SEC31A: variants seen among roughly 807,000 people sequenced by gnomAD.
SEC31A encodes the protein protein transport protein Sec31A.
In SEC31A, 70 loss-of-function variants were observed where a neutral mutation model predicts 151.0. The observed-to-expected ratio is 0.46, with a 90% CI of 0.38 to 0.57. The LOEUF (loss-of-function observed/expected upper bound fraction) is 0.57. SEC31A is among the 20% of genes least tolerant of loss of function. The pLI, the probability that SEC31A is intolerant of heterozygous loss-of-function variation, is 0.00. For missense variants in SEC31A, 1,330 were observed against 1,471.2 expected, an observed-to-expected ratio of 0.90 and a Z score of 1.57; for synonymous variants, 475 against 505.9, an observed-to-expected ratio of 0.94 and a Z score of 0.82.
intron 22 of SEC31A, among the ~76,000 whole-genome samples, chr4:82,835,219 T>C (rs1726923814): frequency 6.6e-6 from 1 of 152,062 alleles, no homozygotes; most frequent in Non-Finnish European, 1.5e-5. Context: ...CGACAGGACA[T>C]AAAACAAGCT....
chr4:82,842,292 G>A lies in SEC31A; in HGVS notation c.2816C>T (p.Pro939Leu). 6.2e-7 allele frequency: 1 copy of A among 1,613,802 alleles called. No individual in the cohort carries two copies. The highest frequency in any genetic ancestry group is 2.2e-5 in the East Asian group (1 of 44,834). The part of the protein sequence containing the change: ...QHQASSPTSS[P>L]ATSFPPPPSS... ...AGGGGGAGGAGGGAAAGAAGTAGCA[G>A]GGCTGGAGGTAGGTGAAGAGGCCTG... Residue 939 changes from proline to leucine, a missense_variant, in exon 22 of 27, where the codon CCT becomes CTT. Coordinates refer to ENST00000395310, the MANE Select transcript of SEC31A (RefSeq NM_001077207.4).
chr4:82,881,710 G>A (rs891900014), intron 2 of SEC31A, 148 bp downstream of exon 2: 4 of 631,074 alleles, frequency 6.3e-6, no homozygotes, highest in African/African-American at 3.6e-5. Flanking sequence ...GAACACAGAG[G>A]AAGAACACTA....
At chr4:82,830,146 C>T (rs1725589533) in intron 22 of SEC31A, among the ~76,000 whole-genome samples, 1 of 152,140 alleles carries the variant, frequency 6.6e-6, no homozygotes, top group African/African-American at 2.4e-5. Context: ...AACTAACCAC[C>T]AGCGCTTACT....
chr4:82,888,372 AAC>A (rs1553938372), intron 1 of SEC31A, among the ~76,000 whole-genome samples: 761 of 42,886 alleles, frequency 0.018, 102 homozygotes, highest in Non-Finnish European at 0.023. Flanking sequence ...AAAAAAAAAA[AAC>A]ACACAAAAAA....
At position 82,828,673 on chromosome 4, in the gene SEC31A, CAAAAAAAAAAAA is replaced by C. The variant is rs397994259; in HGVS notation, c.3027+315_3027+326del. 6.8e-5 allele frequency among the ~76,000 whole-genome samples: 3 copies of C among 44,116 alleles called. No individual in the cohort carries two copies. In the Admixed American group the frequency reaches 1.1e-3, roughly 16 times the overall value. 28.9% of individuals were successfully genotyped at this position (44,116 alleles called of 152,430 possible). A position where few individuals can be genotyped will look rare whatever the true frequency, so the allele number is the denominator to read the frequency against. ...GTAGAACCCAAAGACCAAAGTAACT[CAAAAAAAAAAAA>C]AAAAAAAAAAAAGAAAGCAACCCTG... On this transcript the variant is annotated intron_variant, in intron 23 of 26. Coordinates refer to ENST00000395310, the MANE Select transcript of SEC31A (RefSeq NM_001077207.4).
rs774407792 is a variant in SEC31A, at chr4:82,872,016, C to T, written c.710G>A (p.Arg237Gln). 1.3e-5 allele frequency: 21 copies of T among 1,614,060 alleles called. No individual in the cohort carries two copies. Among genetic ancestry groups the T allele is most frequent in the Non-Finnish European group, 1.8e-5 (21 of 1,179,962 alleles). The change falls in exon 7 of 27, where the codon CGG becomes CAG. Residue 237 changes from arginine to glutamine, a missense_variant. Physicochemically the swap from Arg to Gln is conservative, Grantham distance 43. Transcript: ENST00000395310. ...TQMVLASEDDRLPVIQMWDLR... is the reference protein window; with the variant it reads ...TQMVLASEDDQLPVIQMWDLR... The stretch of plus-strand genomic sequence containing the variant: ...ATCCCACATCTGGATCACTGGTAAC[C>T]GGTCATCCTCGGAGGCAAGGACCAT...
upstream of SEC31A, chr4:82,893,051 AT>A (rs1719909861): frequency 6.6e-6 from 1 of 152,230 alleles, no homozygotes. Context: ...TCAAATTAGG[AT>A]TTGCATAGCA....
At chr4:82,888,816 T>C (rs1358939758) in intron 1 of SEC31A, among the ~76,000 whole-genome samples, 2 of 152,244 alleles carry the variant, frequency 1.3e-5, no homozygotes, top group African/African-American at 4.8e-5. Flanking sequence ...TTATTTCTGC[T>C]CATTTTCAAA....
chr4:82,872,479 G>A (rs367854123), intron 6 of SEC31A, among the ~76,000 whole-genome samples: 8 of 152,026 alleles, frequency 5.3e-5, no homozygotes, highest in South Asian at 2.1e-4. Flanking sequence ...ATGAGCCACC[G>A]CGCCTGGCCT....
intron 10 of SEC31A, among the ~76,000 whole-genome samples, chr4:82,865,550 A>G (rs1227319504): frequency 1.9e-4 from 1 of 5,256 alleles, no homozygotes; most frequent in African/African-American, 8.3e-4. Flanking sequence ...ATATATATAT[A>G]TATATATATA....
At chr4:82,854,434 T>C (rs1442698875) in intron 17 of SEC31A, among the ~76,000 whole-genome samples, 1 of 151,914 alleles carries the variant, frequency 6.6e-6, no homozygotes, top group East Asian at 1.9e-4. Flanking sequence ...AGGCAGCAAA[T>C]GGCTATTTGT....
intron 25 of SEC31A, among the ~76,000 whole-genome samples, chr4:82,824,036 T>C (rs1033762774): frequency 1.3e-5 from 2 of 152,218 alleles, no homozygotes; most frequent in African/African-American, 4.8e-5. Context: ...CCATAGGTTA[T>C]TGTGAAGATT....
At chr4:82,830,299 A>G (rs1725634009) in intron 22 of SEC31A, among the ~76,000 whole-genome samples, 2 of 152,064 alleles carry the variant, frequency 1.3e-5, no homozygotes, top group African/African-American at 2.4e-5. Flanking sequence ...CATCTCTACT[A>G]AAAATACAAA....
chr4:82,845,776 T>C (rs1246770170), intron 20 of SEC31A, among the ~76,000 whole-genome samples: 1 of 152,072 alleles, frequency 6.6e-6, no homozygotes, highest in Non-Finnish European at 1.5e-5. Flanking sequence ...AAAAGTCATA[T>C]CAGTCCAATA....
Position 82,867,322 on chromosome 4 carries a change from CCAACAAAAAACAAA to C in SEC31A, c.883-20_883-7del. On this transcript the variant is annotated splice_polypyrimidine_tract_variant and splice_region_variant and intron_variant, in intron 8 of 26. Coordinates refer to ENST00000395310, the MANE Select transcript of SEC31A (RefSeq NM_001077207.4). ...GTGGGAAGTTCATATAACACCTAGG[CCAACAAAAAACAAA>C]CAACAAAACTCAGAAAATGGTATGG... 3 of 1,611,080 alleles carry C rather than the reference CCAACAAAAAACAAA, an allele frequency of 1.9e-6. No individual in the cohort carries two copies. The highest frequency in any genetic ancestry group is 2.5e-6 in the Non-Finnish European group (3 of 1,178,538).
intron 17 of SEC31A, among the ~76,000 whole-genome samples, chr4:82,854,300 T>C (rs554812544): frequency 2.0e-5 from 3 of 150,690 alleles, no homozygotes; most frequent in South Asian, 4.2e-4. Flanking sequence ...GGGGTGGAGG[T>C]TGCAGTGAGC....
chr4:82,878,997 A>C (rs1352141093), intron 3 of SEC31A, 69 bp from the exon 4 acceptor site: 11 of 1,160,188 alleles, frequency 9.5e-6, no homozygotes, highest in African/African-American at 1.6e-5. Context: ...AATTGAAATT[A>C]TACACTTAAT....
chr4:82,858,255 C>A (rs768230750), intron 14 of SEC31A, among the ~76,000 whole-genome samples: 1 of 150,988 alleles, frequency 6.6e-6, no homozygotes, highest in Non-Finnish European at 1.5e-5. Flanking sequence ...TACTAAAATA[C>A]AAAAAATTGG....
Position 82,881,851 on chromosome 4 carries a change from A to T in SEC31A, c.79+7T>A. ...AACTCATACTATCTTCTCTCCTTTG[A>T]ACTTACCTGTTGCTAGGTAAATGGG... On this transcript the variant is annotated splice_region_variant and intron_variant, in intron 2 of 26. Transcript: ENST00000395310. 1 of 1,605,582 alleles carries T rather than the reference A, an allele frequency of 6.2e-7. No homozygotes were observed. The highest frequency in any genetic ancestry group is 8.5e-7 in the Non-Finnish European group (1 of 1,172,164).
Sources: allele counts gnomAD v4.1 joint callset (sites outside exome capture counted in the v4.1 genomes callset), GRCh38; gene constraint gnomAD v4.1.1; transcripts MANE v1.5; gene names NCBI Gene and HGNC (gene_info 2026-07-23, HGNC 2026-07-21).